BTRC: variants seen among roughly 807,000 people sequenced by gnomAD.
The protein encoded by BTRC is F-box/WD repeat-containing protein 1A.
In BTRC, 42 loss-of-function variants were observed where a neutral mutation model predicts 85.5. The ratio of observed to expected loss-of-function variants is 0.49; its 90% confidence interval spans 0.38 to 0.64. BTRC has a LOEUF of 0.64. BTRC is among the 30% of genes least tolerant of loss of function. The pLI is 0.00. For synonymous variants in BTRC, 255 were observed against 263.3 expected (o/e 0.97, Z 0.30); for missense variants, 594 against 743.5 (o/e 0.80, Z 2.34).
chr10:101,357,595 T>A (rs1009254114), intron 1 of BTRC, among the ~76,000 whole-genome samples: 1 of 152,180 alleles, frequency 6.6e-6, no homozygotes, highest in Non-Finnish European at 1.5e-5. Context: ...TGTGAATCGC[T>A]AATGACAACT....
At chr10:101,526,225 T>C in intron 6 of BTRC, 26 bp downstream of exon 6, 1 of 1,600,768 alleles carries the variant, frequency 6.2e-7, no homozygotes, top group African/African-American at 1.3e-5. Context: ...TTCTTACTCT[T>C]ATACGGCTTC....
intron 1 of BTRC, among the ~76,000 whole-genome samples, chr10:101,391,531 C>A (rs1184875056): frequency 6.6e-6 from 1 of 152,172 alleles, no homozygotes; most frequent in Admixed American, 6.5e-5. Context: ...CGTAGTTCAG[C>A]CTTCCCAAAA....
chr10:101,432,328 A>G (rs1309166040), intron 2 of BTRC, among the ~76,000 whole-genome samples: 1 of 151,760 alleles, frequency 6.6e-6, no homozygotes, highest in Non-Finnish European at 1.5e-5. Flanking sequence ...GGGTTTCACC[A>G]TGTTGTCCAG....
chr10:101,470,332 T>TC (rs1464040778), intron 3 of BTRC, among the ~76,000 whole-genome samples: 2 of 143,200 alleles, frequency 1.4e-5, no homozygotes, highest in Non-Finnish European at 3.1e-5. Context: ...TTTCTTTCTT[T>TC]TTTTTTTTTT....
intron 2 of BTRC, among the ~76,000 whole-genome samples, chr10:101,450,452 C>A (rs1408210175): frequency 6.6e-6 from 1 of 152,150 alleles, no homozygotes; most frequent in Non-Finnish European, 1.5e-5. Flanking sequence ...TGGTGCAGTT[C>A]ATCTCTTCTA....
chr10:101,362,500 A>T (rs184637718), intron 1 of BTRC, among the ~76,000 whole-genome samples: 1 of 151,366 alleles, frequency 6.6e-6, no homozygotes, highest in East Asian at 1.9e-4. Context: ...GGTTCAAGCT[A>T]TTCTCCTGCC....
chr10:101,550,751 G>A lies in BTRC; in HGVS notation c.1709G>A (p.Ser570Asn). 1 of 1,613,854 alleles carries A rather than the reference G, an allele frequency of 6.2e-7. No homozygotes were observed. The highest frequency in any genetic ancestry group is 8.5e-7 in the Non-Finnish European group (1 of 1,179,826). Residue 570 changes from serine to asparagine, a missense_variant, in exon 14 of 15, where the codon AGT (serine) becomes AAT (asparagine). Around this residue, in one of 4 missense-constraint regions of BTRC, gnomAD observed 373 missense variants for 503.6 expected, o/e 0.74. Transcript: ENST00000370187. ...RLQFDEFQIV[S>N]SSHDDTILIW... ...CAGTTTGATGAATTCCAGATTGTCA[G>A]TAGTTCACATGATGACACAATCCTC...
rs796837740 is a variant in BTRC, at chr10:101,422,175, A to G, written c.49-8170A>G. On this transcript the variant is annotated intron_variant, in intron 1 of 14. Transcript: ENST00000370187. ...AATGATCACCATTCTAACTGGCGTG[A>G]GATGGTATCTCATTGTGGTTTTGAT... Among the ~76,000 whole-genome samples, 100 of 152,288 alleles carry G rather than the reference A, an allele frequency of 6.6e-4. 2 individuals carry two copies. Among genetic ancestry groups the G allele is most frequent in the African/African-American group, 2.4e-3 (98 of 41,550 alleles).
chr10:101,513,368 A>G (rs2061980838), intron 4 of BTRC, among the ~76,000 whole-genome samples: 2 of 152,224 alleles, frequency 1.3e-5, no homozygotes, highest in Non-Finnish European at 2.9e-5. Context: ...AATGTTGGCA[A>G]CTGGCGTAAC....
chr10:101,426,824 G>A (rs960619281), intron 1 of BTRC, among the ~76,000 whole-genome samples: 1 of 152,158 alleles, frequency 6.6e-6, no homozygotes, highest in Non-Finnish European at 1.5e-5. Flanking sequence ...TGTGCTTGCT[G>A]TATGCCATGC....
At chr10:101,533,198 A>G (rs2134417434) in intron 9 of BTRC, 128 bp downstream of exon 9, 1 of 591,292 alleles carries the variant, frequency 1.7e-6, no homozygotes, top group East Asian at 2.7e-5. Context: ...CCAGGTCCCC[A>G]TCATTTCTGT....
intron 4 of BTRC, among the ~76,000 whole-genome samples, chr10:101,482,522 A>T (rs1945865907): frequency 6.7e-6 from 1 of 149,282 alleles, no homozygotes; most frequent in Non-Finnish European, 1.5e-5. Context: ...CAGCCTCCTG[A>T]GTAGCTGGGA....
intron 13 of BTRC, among the ~76,000 whole-genome samples, chr10:101,544,953 T>C (rs2062536381): frequency 6.6e-6 from 1 of 151,472 alleles, no homozygotes; most frequent in Non-Finnish European, 1.5e-5. Flanking sequence ...TTTGGGTGGC[T>C]GAGGTGTGAG....
chr10:101,485,517 T>C (rs1945959702), intron 4 of BTRC, among the ~76,000 whole-genome samples: 2 of 152,240 alleles, frequency 1.3e-5, no homozygotes, highest in South Asian at 4.1e-4. Flanking sequence ...AGACAGAATA[T>C]AGACAGCTTA....
chr10:101,532,784 G>GTGTGTGTA (rs373538962), intron 8 of BTRC, among the ~76,000 whole-genome samples, 168 bp from the exon 9 acceptor site: 2,667 of 145,842 alleles, frequency 0.018, 58 homozygotes, highest in East Asian at 0.069. Flanking sequence ...GTGTGTGTGT[G>GTGTGTGTA]TGTGTGCGCG....
intron 1 of BTRC, among the ~76,000 whole-genome samples, chr10:101,363,649 G>A (rs1435910292): frequency 6.6e-6 from 1 of 151,964 alleles, no homozygotes; most frequent in African/African-American, 2.4e-5. Flanking sequence ...TAGTAGTGCT[G>A]GGATTACAGG....
rs113865475 is a variant in BTRC, at chr10:101,532,809, C to CGCTT, written c.979-142_979-139dup. 2,519 of 676,018 alleles carry CGCTT rather than the reference C, an allele frequency of 3.7e-3. 45 individuals carry two copies. Among genetic ancestry groups the CGCTT allele is most frequent in the Middle Eastern group, 0.017 (65 of 3,798 alleles). The allele number at this position is 676,018 out of a possible 1,614,324, so 41.9% of individuals were successfully genotyped here. ...GTGTGTGCGCGTGTGCGCGCGCGCGCGCTTAGCTATACCTATAGAAAATGC... is the reference window on the plus strand; with the variant it reads ...GTGTGTGCGCGTGTGCGCGCGCGCGCGCTTGCTTAGCTATACCTATAGAAAATGC... On this transcript the variant is annotated intron_variant, in intron 8 of 14. Coordinates refer to ENST00000370187, the MANE Select transcript of BTRC (RefSeq NM_033637.4).
At chr10:101,547,402 G>A (rs1458484663) in intron 13 of BTRC, among the ~76,000 whole-genome samples, 4 of 140,058 alleles carry the variant, frequency 2.9e-5, no homozygotes, top group Admixed American at 7.7e-5. Flanking sequence ...GTGCAATGGC[G>A]CAATCTCGGC....
intron 3 of BTRC, among the ~76,000 whole-genome samples, chr10:101,477,067 C>T (rs922630140): frequency 2.6e-5 from 4 of 152,204 alleles, no homozygotes; most frequent in African/African-American, 9.6e-5. Context: ...GCCTCTGCCT[C>T]CCGGGTTCAA....
Sources: allele counts gnomAD v4.1 joint callset (sites outside exome capture counted in the v4.1 genomes callset), GRCh38; gene constraint gnomAD v4.1.1; regional missense constraint gnomAD v4.1.1; transcripts MANE v1.5; gene names NCBI Gene and HGNC (gene_info 2026-07-23, HGNC 2026-07-21).